The following ZFHX3 variants were observed in gnomAD, a reference collection of about 807,000 sequenced individuals.
ZFHX3 encodes the protein zinc finger homeobox 3.
Under a neutral mutation model 279.1 loss-of-function variants are expected in ZFHX3, and 42 were observed. The ratio of observed to expected loss-of-function variants is 0.15; its 90% confidence interval spans 0.12 to 0.19. The LOEUF is 0.19. Among genes scored for constraint, ZFHX3 ranks in the 10% least tolerant of loss-of-function variants. The pLI is 1.00. For synonymous variants in ZFHX3, 2,293 were observed against 1,957.8 expected, an observed-to-expected ratio of 1.17 and a Z score of -4.52; for missense variants, 4,981 against 4,754.0, an observed-to-expected ratio of 1.05 and a Z score of -1.40.
At chr16:73,013,878 C>A (rs1252065189) in intron 1 of ZFHX3, among the ~76,000 whole-genome samples, 1 of 152,130 alleles carries the variant, frequency 6.6e-6, no homozygotes, top group Non-Finnish European at 1.5e-5. Context: ...CGTGCAGTAG[C>A]TGAATAACAA....
intron 5 of ZFHX3, among the ~76,000 whole-genome samples, chr16:73,151,166 A>G (rs1966931707): frequency 6.6e-6 from 1 of 152,224 alleles, no homozygotes; most frequent in Non-Finnish European, 1.5e-5. Context: ...AGTGATTGCT[A>G]AGGGCGACCA....
chr16:73,844,600 T>C (rs1961396415), intron 1 of ZFHX3, among the ~76,000 whole-genome samples: 1 of 151,530 alleles, frequency 6.6e-6, no homozygotes, highest in Non-Finnish European at 1.5e-5. Flanking sequence ...AATAACATGC[T>C]CGAGGGAGGG....
At chr16:73,459,545 T>C (rs576192280) in intron 2 of ZFHX3, among the ~76,000 whole-genome samples, 69 of 152,210 alleles carry the variant, frequency 4.5e-4, no homozygotes, top group African/African-American at 1.4e-3. Flanking sequence ...TAAATTTTTT[T>C]TAAGTAGAGA....
intron 7 of ZFHX3, among the ~76,000 whole-genome samples, chr16:73,098,357 C>T (rs528794686): frequency 2.7e-5 from 4 of 150,510 alleles, no homozygotes; most frequent in East Asian, 2.0e-4. Flanking sequence ...TGTGAGCCAC[C>T]GTGCCCCACC....
chr16:72,934,713 T>C (rs1225916423), intron 3 of ZFHX3, among the ~76,000 whole-genome samples: 1 of 152,160 alleles, frequency 6.6e-6, no homozygotes, highest in Non-Finnish European at 1.5e-5. Flanking sequence ...TACTGAATGA[T>C]CAATTCCTCT....
chr16:73,446,336 A>C (rs1342889991), intron 3 of ZFHX3, among the ~76,000 whole-genome samples: 1 of 152,206 alleles, frequency 6.6e-6, no homozygotes, highest in African/African-American at 2.4e-5. Flanking sequence ...GGCCTCAGGA[A>C]ACTTACAATC....
chr16:73,195,196 T>A (rs966758781), intron 5 of ZFHX3, among the ~76,000 whole-genome samples: 2 of 152,098 alleles, frequency 1.3e-5, no homozygotes, highest in African/African-American at 4.8e-5. Context: ...ATTTCTTAAA[T>A]CACTTTCTCA....
intron 2 of ZFHX3, among the ~76,000 whole-genome samples, chr16:73,624,229 T>C (rs1017492133): frequency 2.0e-5 from 3 of 152,112 alleles, no homozygotes; most frequent in South Asian, 2.1e-4. Flanking sequence ...ACTCAAGTCA[T>C]GAAGTTCCAA....
At chr16:72,854,461 A>G (rs964672614) in intron 4 of ZFHX3, among the ~76,000 whole-genome samples, 13 of 151,500 alleles carry the variant, frequency 8.6e-5, no homozygotes, top group African/African-American at 2.9e-4. Flanking sequence ...GAATGGGGAA[A>G]CTCCCTCTGA....
chr16:73,052,108 C>T (rs1965461960), upstream of ZFHX3, among the ~76,000 whole-genome samples: 1 of 151,782 alleles, frequency 6.6e-6, no homozygotes, highest in African/African-American at 2.4e-5. Flanking sequence ...ATGCTAACCA[C>T]TGAATTCTTG....
chr16:73,592,325 T>A, intron 2 of ZFHX3, among the ~76,000 whole-genome samples: 1 of 152,200 alleles, frequency 6.6e-6, no homozygotes, highest in Non-Finnish European at 1.5e-5. Flanking sequence ...TAAAAACATG[T>A]ACAGATTTTT....
intron 4 of ZFHX3, among the ~76,000 whole-genome samples, chr16:72,868,035 G>A (rs564678361): frequency 6.6e-6 from 1 of 152,352 alleles, no homozygotes; most frequent in East Asian, 1.9e-4. Flanking sequence ...TGTAAGACAT[G>A]ATCCCTGCCC....
At chr16:73,079,126 C>A (rs1055960517) in intron 8 of ZFHX3, among the ~76,000 whole-genome samples, 1 of 152,124 alleles carries the variant, frequency 6.6e-6, no homozygotes, top group Non-Finnish European at 1.5e-5. Context: ...GAGTCCAACC[C>A]GACCAGGTCC....
At chr16:72,807,635 A>T (rs2036309331) in intron 7 of ZFHX3, 1 of 152,186 alleles carries the variant, frequency 6.6e-6, no homozygotes, top group South Asian at 2.1e-4. Flanking sequence ...ATCTGTTTCC[A>T]TTTATCAGGG....
rs892609691 is a variant in ZFHX3, at chr16:72,795,071, C to G, written c.7611G>C (p.Leu2537Phe). ...GCCAGTGCTCAAATGACGGAAATGC[C>G]AACTTACACTGGTCACACTGGTAGG... Reference protein sequence around the residue: ...LIPYQCDQCKLAFPSFEHWQE... With the variant: ...LIPYQCDQCKFAFPSFEHWQE... The change falls in exon 9 of 10, where the codon TTG becomes TTC. Residue 2537 changes from leucine (L) to phenylalanine (F), a missense_variant. By Grantham distance (22) the Leu-to-Phe change is conservative. Coordinates refer to ENST00000268489, the MANE Select transcript of ZFHX3 (RefSeq NM_006885.4). 1 of 1,614,084 alleles carries G rather than the reference C, an allele frequency of 6.2e-7. No individual in the cohort carries two copies.
chr16:73,120,283 C>A (rs1036121927), intron 7 of ZFHX3, among the ~76,000 whole-genome samples: 1 of 151,988 alleles, frequency 6.6e-6, no homozygotes. Context: ...TTGTTAGAGA[C>A]AGGGTCTTGC....
chr16:73,515,529 GGAGA>G (rs891709782), intron 2 of ZFHX3, among the ~76,000 whole-genome samples: 9 of 137,580 alleles, frequency 6.5e-5, no homozygotes, highest in African/African-American at 1.9e-4. Context: ...AAAGAAAGAG[GGAGA>G]GAGAGAGAGG....
intron 1 of ZFHX3, among the ~76,000 whole-genome samples, chr16:73,794,723 C>T (rs893851728): frequency 6.6e-6 from 1 of 152,124 alleles, no homozygotes; most frequent in Non-Finnish European, 1.5e-5. Flanking sequence ...TATTCTATAC[C>T]TTTTCCTGCA....
chr16:72,891,818 C>T (rs1342472343), intron 3 of ZFHX3, among the ~76,000 whole-genome samples: 2 of 152,222 alleles, frequency 1.3e-5, no homozygotes, highest in African/African-American at 2.4e-5. Context: ...CCAAGCCTGG[C>T]CCATGGAGCC....
Sources: allele counts gnomAD v4.1 joint callset (sites outside exome capture counted in the v4.1 genomes callset), GRCh38; gene constraint gnomAD v4.1.1; transcripts MANE v1.5; gene names NCBI Gene and HGNC (gene_info 2026-07-23, HGNC 2026-07-21).